The following PHF21B variants were observed in gnomAD, a reference collection of about 807,000 sequenced individuals.
PHF21B encodes PHD finger protein 4.
Under a neutral mutation model 62.2 loss-of-function variants are expected in PHF21B, and 22 were observed. The ratio of observed to expected loss-of-function variants is 0.35; its 90% CI spans 0.25 to 0.51. The LOEUF (loss-of-function observed/expected upper bound fraction) is 0.51. Among genes scored for constraint, PHF21B ranks in the 20% least tolerant of loss-of-function variants. The probability of loss-of-function intolerance (pLI) is 0.97; values close to 1 mark genes in which losing one functional copy is unlikely to be tolerated. For missense variants in PHF21B, 701 were observed against 707.9 expected, an observed-to-expected ratio of 0.99 and a Z score of 0.11; for synonymous variants, 341 against 314.7, an observed-to-expected ratio of 1.08 and a Z score of -0.88.
chr22:44,925,439 G>A (rs182908572), intron 2 of PHF21B, among the ~76,000 whole-genome samples: 254 of 152,260 alleles, frequency 1.7e-3, no homozygotes, highest in African/African-American at 5.5e-3. Flanking sequence ...CATTATGCTC[G>A]GACGGCGGTT....
In PHF21B at chr22:44,899,645, C is replaced by T. The variant is rs114364118; in HGVS notation, c.832-3562G>A. Among the ~76,000 whole-genome samples, 759 of 151,694 alleles carry T rather than the reference C, an allele frequency of 5.0e-3. 5 individuals are homozygous for T. Among genetic ancestry groups the T allele is most frequent in the African/African-American group, 0.017 (712 of 41,358 alleles). On this transcript the variant is annotated intron_variant, in intron 5 of 12. Coordinates refer to ENST00000313237, the MANE Select transcript of PHF21B (RefSeq NM_138415.5). The stretch of plus-strand genomic sequence containing the variant: ...CTTCCTTCTCCTTCCTTCTTCTTCT[C>T]CTCCTCCTCTCCTTCCTTCTCCTCT...
chr22:44,937,403 G>A (rs1046863900), intron 2 of PHF21B, among the ~76,000 whole-genome samples: 1 of 152,250 alleles, frequency 6.6e-6, no homozygotes, highest in Non-Finnish European at 1.5e-5. Flanking sequence ...CACAGGTGCA[G>A]GCCGCTGAGG....
intron 2 of PHF21B, among the ~76,000 whole-genome samples, chr22:44,950,062 T>C (rs2072162372): frequency 6.6e-6 from 1 of 152,214 alleles, no homozygotes; most frequent in African/African-American, 2.4e-5. Flanking sequence ...CGTCCAGCCA[T>C]GGCAGTCTCT....
In PHF21B at chr22:44,888,101, C is replaced by T. The variant is rs1293702765; in HGVS notation, c.1059G>A (p.Glu353=). ...PCWKNEITHD[E]HCAACKRGAN... ...CCCCTCGCTTGCAGGCGGCACAGTG[C>T]TCATCGTGGGTGATCTCGTTCTGGA... is the stretch of plus-strand genomic sequence containing the variant. The change falls in exon 10 of 13, where the codon GAG becomes GAA. Residue 353 remains glutamate, a synonymous_variant. Transcript: ENST00000313237. The T allele has an allele frequency of 1.3e-6, 2 of 1,538,696 alleles. No homozygotes were observed. The highest frequency in any genetic ancestry group is 1.4e-5 in the African/African-American group (1 of 72,594).
At chr22:44,967,346 G>A (rs750804594) in intron 2 of PHF21B, among the ~76,000 whole-genome samples, 8 of 148,258 alleles carry the variant, frequency 5.4e-5, no homozygotes, top group African/African-American at 7.5e-5. Context: ...TCAGCCTCCC[G>A]AGTAGCTGGG....
intron 2 of PHF21B, among the ~76,000 whole-genome samples, chr22:44,988,400 T>TG (rs2072989524): frequency 6.6e-6 from 1 of 152,108 alleles, no homozygotes; most frequent in Non-Finnish European, 1.5e-5. Context: ...AGGTCAAGGC[T>TG]GCAGTGAGCT....
intron 2 of PHF21B, among the ~76,000 whole-genome samples, chr22:44,979,280 C>T (rs899263107): frequency 4.6e-5 from 7 of 152,232 alleles, no homozygotes; most frequent in Non-Finnish European, 8.8e-5. Context: ...TTGGTATTGG[C>T]GGCCTGATGA....
At chr22:44,895,192 A>G (rs1049116711) in intron 6 of PHF21B, among the ~76,000 whole-genome samples, 1 of 152,112 alleles carries the variant, frequency 6.6e-6, no homozygotes, top group African/African-American at 2.4e-5. Flanking sequence ...CCTGGTATCA[A>G]CTGGCCCTGG....
chr22:44,982,998 C>T (rs1445512681), intron 2 of PHF21B, among the ~76,000 whole-genome samples: 1 of 152,138 alleles, frequency 6.6e-6, no homozygotes, highest in Non-Finnish European at 1.5e-5. Context: ...AATCCCAGCA[C>T]TTTGGGAGAC....
chr22:44,939,261 C>T (rs1406342615), intron 2 of PHF21B, among the ~76,000 whole-genome samples: 1 of 152,188 alleles, frequency 6.6e-6, no homozygotes, highest in Admixed American at 6.5e-5. Context: ...CTCCTTCACC[C>T]ACGGCTGGGG....
chr22:44,950,321 C>T (rs886795508), intron 2 of PHF21B, among the ~76,000 whole-genome samples: 1 of 152,238 alleles, frequency 6.6e-6, no homozygotes, highest in African/African-American at 2.4e-5. Flanking sequence ...TGCCTCAATA[C>T]CCTCTGTCGT....
At chr22:45,008,632 G>C (rs761890261) in intron 1 of PHF21B, 22 bp from the exon 2 acceptor site, 2 of 1,563,480 alleles carry the variant, frequency 1.3e-6, no homozygotes, top group East Asian at 2.4e-5. Flanking sequence ...CGGAGGAGCG[G>C]GCTCAGGCAG....
At chr22:44,979,137 GTTCATTC>G (rs1368696871) in intron 2 of PHF21B, among the ~76,000 whole-genome samples, 1 of 152,248 alleles carries the variant, frequency 6.6e-6, no homozygotes, top group African/African-American at 2.4e-5. Flanking sequence ...ACCACATCTG[GTTCATTC>G]TCTCCTGCAC....
chr22:44,934,042 C>T (rs1340320527), intron 2 of PHF21B, among the ~76,000 whole-genome samples: 1 of 152,172 alleles, frequency 6.6e-6, no homozygotes, highest in Non-Finnish European at 1.5e-5. Context: ...CATGTGTAAC[C>T]ACAAGACCAG....
chr22:45,007,754 G>T (rs1407359333), intron 2 of PHF21B, among the ~76,000 whole-genome samples: 1 of 142,018 alleles, frequency 7.0e-6, no homozygotes, highest in Non-Finnish European at 1.6e-5. Flanking sequence ...CGCGGCGGGG[G>T]AGGGGCAGCG....
intron 2 of PHF21B, among the ~76,000 whole-genome samples, chr22:44,924,575 T>C (rs1601604521): frequency 6.6e-6 from 1 of 151,984 alleles, no homozygotes; most frequent in Non-Finnish European, 1.5e-5. Flanking sequence ...CTCATTCTCT[T>C]TCTCTCTCTG....
At chr22:44,903,540 T>C (rs995861403) in intron 5 of PHF21B, among the ~76,000 whole-genome samples, 2 of 152,208 alleles carry the variant, frequency 1.3e-5, no homozygotes, top group African/African-American at 2.4e-5. Flanking sequence ...AAGTAGCTGC[T>C]CTGTTCCTTC....
At chr22:44,990,035 G>T (rs1278842036) in intron 2 of PHF21B, among the ~76,000 whole-genome samples, 1 of 152,242 alleles carries the variant, frequency 6.6e-6, no homozygotes, top group African/African-American at 2.4e-5. Context: ...CTCCGTGAAT[G>T]CTGCCGCTGC....
intron 3 of PHF21B, among the ~76,000 whole-genome samples, chr22:44,917,782 C>G (rs533876197): frequency 8.6e-4 from 131 of 152,334 alleles, no homozygotes; most frequent in Non-Finnish European, 1.5e-3. Context: ...AGGAGTGGTC[C>G]AGGGTGGCTC....
Sources: gnomAD v4.1 joint callset for allele counts (sites outside exome capture counted in the v4.1 genomes callset) on GRCh38, gnomAD v4.1.1 for gene constraint, MANE v1.5 for transcripts, NCBI Gene and HGNC (gene_info 2026-07-23, HGNC 2026-07-21) for gene names.